Variants in CNBD1 observed in about 807,000 individuals in gnomAD.
CNBD1 encodes the protein cyclic nucleotide-binding domain-containing protein 1.
CNBD1 carries 71 observed loss-of-function variants against 54.4 expected under a neutral mutation model. The observed-to-expected ratio is 1.30, with a 90% confidence interval of 1.08 to 1.59. The LOEUF (loss-of-function observed/expected upper bound fraction) is 1.59, where lower values mean the gene tolerates loss of function less well. CNBD1 is among the 40% of genes most tolerant of loss of function. The pLI is 0.00. For missense variants in CNBD1, 659 were observed against 518.0 expected (o/e 1.27, Z -2.64); for synonymous variants, 182 against 170.7 (o/e 1.07, Z -0.51).
intron 2 of CNBD1, among the ~76,000 whole-genome samples, chr8:87,418,524 AT>A (rs1436169745): frequency 6.6e-6 from 1 of 151,954 alleles, no homozygotes; most frequent in Non-Finnish European, 1.5e-5. Context: ...CTTTATACAA[AT>A]TAAAAACTTT....
intron 4 of CNBD1, among the ~76,000 whole-genome samples, chr8:87,138,036 T>A (rs1812294709): frequency 6.6e-6 from 1 of 152,134 alleles, no homozygotes; most frequent in South Asian, 2.1e-4. Flanking sequence ...AATATCTAAT[T>A]CGGATTATTT....
intron 4 of CNBD1, among the ~76,000 whole-genome samples, chr8:86,977,133 C>G (rs1331788566): frequency 6.6e-6 from 1 of 151,842 alleles, no homozygotes; most frequent in African/African-American, 2.4e-5. Flanking sequence ...AATTTTTCAC[C>G]CTTGAGAATA....
chr8:87,173,359 A>G (rs569316923), intron 4 of CNBD1, among the ~76,000 whole-genome samples: 2 of 152,248 alleles, frequency 1.3e-5, no homozygotes, highest in South Asian at 2.1e-4. Context: ...TTTTCTGTGT[A>G]CTTACTATTG....
At chr8:87,385,906 C>T (rs1307994494), downstream of CNBD1, among the ~76,000 whole-genome samples, 1 of 152,132 alleles carries the variant, frequency 6.6e-6, no homozygotes, top group Non-Finnish European at 1.5e-5. Context: ...CCGGGTACTC[C>T]TCTGAGACAA....
At chr8:87,084,245 C>T (rs906886348) in intron 4 of CNBD1, among the ~76,000 whole-genome samples, 2 of 152,132 alleles carry the variant, frequency 1.3e-5, no homozygotes, top group Non-Finnish European at 2.9e-5. Context: ...GTTTTAAAAT[C>T]TGTATCTTTA....
At chr8:86,953,712 C>T (rs1191226960) in intron 4 of CNBD1, among the ~76,000 whole-genome samples, 5 of 151,898 alleles carry the variant, frequency 3.3e-5, no homozygotes, top group Non-Finnish European at 2.9e-5. Flanking sequence ...TACAACAATA[C>T]AAAAATTAGC....
At chr8:87,076,642 T>G (rs572053597) in intron 4 of CNBD1, among the ~76,000 whole-genome samples, 1 of 152,148 alleles carries the variant, frequency 6.6e-6, no homozygotes, top group South Asian at 2.1e-4. Context: ...TGGGGTTTCA[T>G]CGTGTTAGCC....
At chr8:87,023,176 T>C (rs1809525297) in intron 4 of CNBD1, among the ~76,000 whole-genome samples, 1 of 152,184 alleles carries the variant, frequency 6.6e-6, no homozygotes, top group Non-Finnish European at 1.5e-5. Context: ...CATGACTTCA[T>C]TGAATCTATT....
chr8:86,941,116 T>C (rs1199278662), intron 4 of CNBD1, among the ~76,000 whole-genome samples: 3 of 152,068 alleles, frequency 2.0e-5, no homozygotes, highest in Non-Finnish European at 2.9e-5. Flanking sequence ...TTCCAGAAAA[T>C]TTGAGAATGG....
intron 4 of CNBD1, among the ~76,000 whole-genome samples, chr8:87,100,712 T>A (rs954556587): frequency 2.6e-5 from 4 of 152,248 alleles, no homozygotes; most frequent in African/African-American, 7.2e-5. Context: ...TGTCTTCAAG[T>A]GATCCTCCTG....
At position 87,382,645 on chromosome 8, in the gene CNBD1, G is replaced by A. The variant is rs1811103721; in HGVS notation, c.*18G>A. On this transcript the variant is annotated 3_prime_UTR_variant, in exon 11 of 11. Coordinates refer to ENST00000518476, the MANE Select transcript of CNBD1 (RefSeq NM_173538.3). ...TGGCCTAGATCTAGAAACAACCTCA[G>A]TGAACATTAATTAAGAAAGTATTGA... 6.6e-7 allele frequency: 1 copy of A among 1,519,298 alleles called. No homozygotes were observed. The highest frequency in any genetic ancestry group is 1.4e-5 in the African/African-American group (1 of 72,380). 94.1% of individuals were successfully genotyped at this position (1,519,298 alleles called of 1,614,324 possible).
intron 2 of CNBD1, among the ~76,000 whole-genome samples, chr8:87,422,186 G>C (rs1807951586): frequency 6.8e-6 from 1 of 146,290 alleles, no homozygotes; most frequent in African/African-American, 2.7e-5. Flanking sequence ...CCCTTTGTCA[G>C]ATGAGTAGGT....
chr8:87,191,490 C>T (rs983755136), intron 4 of CNBD1, among the ~76,000 whole-genome samples: 3 of 152,174 alleles, frequency 2.0e-5, no homozygotes, highest in Non-Finnish European at 4.4e-5. Context: ...CATTGCCAGC[C>T]ATCTAGGCAT....
At chr8:87,379,901 A>C (rs1388351959) in intron 10 of CNBD1, among the ~76,000 whole-genome samples, 1 of 151,718 alleles carries the variant, frequency 6.6e-6, no homozygotes, top group East Asian at 1.9e-4. Context: ...AAAGGAAAAT[A>C]CACGAGAAAT....
At chr8:87,376,562 C>A (rs905776363) in intron 10 of CNBD1, among the ~76,000 whole-genome samples, 1 of 151,846 alleles carries the variant, frequency 6.6e-6, no homozygotes, top group African/African-American at 2.4e-5. Context: ...GATGTGAAAC[C>A]ACATAGCAAC....
intron 2 of CNBD1, among the ~76,000 whole-genome samples, chr8:87,427,433 T>C (rs1038326278): frequency 1.3e-5 from 2 of 152,146 alleles, no homozygotes; most frequent in African/African-American, 4.8e-5. Flanking sequence ...TTTACCGATA[T>C]GTAGTCTGGC....
intron 8 of CNBD1, among the ~76,000 whole-genome samples, chr8:87,317,508 C>A (rs1252706172): frequency 6.6e-6 from 1 of 150,800 alleles, no homozygotes; most frequent in Non-Finnish European, 1.5e-5. Context: ...ATTTAGTTAC[C>A]ATTTTTCTAT....
intron 2 of CNBD1, among the ~76,000 whole-genome samples, chr8:87,415,926 C>G (rs143322950): frequency 6.6e-6 from 1 of 151,506 alleles, no homozygotes; most frequent in Admixed American, 6.6e-5. Context: ...TTATAAGAAA[C>G]AAATGACATA....
At chr8:87,078,416 T>C (rs1392057513) in intron 4 of CNBD1, among the ~76,000 whole-genome samples, 1 of 152,252 alleles carries the variant, frequency 6.6e-6, no homozygotes, top group Admixed American at 6.5e-5. Flanking sequence ...ATAAAATATC[T>C]ATTTCAAGCA....
Sources: allele counts gnomAD v4.1 joint callset (sites outside exome capture counted in the v4.1 genomes callset), GRCh38; gene constraint gnomAD v4.1.1; transcripts MANE v1.5; gene names NCBI Gene and HGNC (gene_info 2026-07-23, HGNC 2026-07-21).